CADM2: variants seen among roughly 807,000 people sequenced by gnomAD.
CADM2 encodes immunoglobulin superfamily member 4D.
In CADM2, 12 loss-of-function variants were observed where a neutral mutation model predicts 49.8. The ratio of observed to expected loss-of-function variants is 0.24; its 90% confidence interval spans 0.15 to 0.39. The LOEUF (loss-of-function observed/expected upper bound fraction) is 0.39. Ranked by LOEUF, CADM2 falls within the 10% of genes least tolerant of loss-of-function variation. The pLI is 1.00. For missense variants in CADM2, 378 were observed against 492.3 expected (o/e 0.77, Z 2.20); for synonymous variants, 214 against 175.4 (o/e 1.22, Z -1.74).
chr3:85,192,931 T>G (rs1408389735), intron 1 of CADM2, among the ~76,000 whole-genome samples: 4 of 152,090 alleles, frequency 2.6e-5, no homozygotes, highest in African/African-American at 9.7e-5. Context: ...TTTAAGGAGA[T>G]TCTTCTGGAA....
At chr3:85,676,210 C>T (rs9847652) in intron 1 of CADM2, among the ~76,000 whole-genome samples, 107,867 of 152,100 alleles carry the variant, frequency 0.71, 38,527 homozygotes, top group African/African-American at 0.77. Flanking sequence ...TTATAATAAA[C>T]GGGCTTAAAT....
At chr3:85,096,132 A>T (rs1034274461) in intron 1 of CADM2, among the ~76,000 whole-genome samples, 13 of 152,148 alleles carry the variant, frequency 8.5e-5, no homozygotes, top group Admixed American at 2.0e-4. Context: ...ATTCTACAAT[A>T]CCAGGTAAAT....
intron 1 of CADM2, among the ~76,000 whole-genome samples, chr3:85,659,735 G>A (rs959482737): frequency 1.3e-5 from 2 of 152,090 alleles, no homozygotes; most frequent in South Asian, 2.1e-4. Flanking sequence ...TGTTACCCAG[G>A]ATCTTGTTAA....
intron 2 of CADM2, among the ~76,000 whole-genome samples, chr3:85,745,279 C>T (rs911749184): frequency 1.2e-4 from 18 of 152,106 alleles, no homozygotes; most frequent in Non-Finnish European, 7.4e-5. Context: ...TAAAAAATCT[C>T]CATGCTTTTA....
intron 2 of CADM2, among the ~76,000 whole-genome samples, chr3:85,756,891 G>A (rs778168517): frequency 1.3e-5 from 2 of 152,092 alleles, no homozygotes; most frequent in Non-Finnish European, 2.9e-5. Flanking sequence ...AGACAGAGAC[G>A]TTTTATATAA....
chr3:86,020,994 A>G (rs1179954716), intron 8 of CADM2, among the ~76,000 whole-genome samples: 3 of 151,938 alleles, frequency 2.0e-5, no homozygotes, highest in Non-Finnish European at 4.4e-5. Context: ...CCAGGGCAAA[A>G]ACTTTTTTTC....
chr3:85,453,397 A>T (rs1351040268), intron 1 of CADM2, among the ~76,000 whole-genome samples: 1 of 151,984 alleles, frequency 6.6e-6, no homozygotes, highest in Non-Finnish European at 1.5e-5. Flanking sequence ...AATTAGCATG[A>T]TTATCAGTGG....
chr3:85,046,539 T>A (rs2035663645), intron 1 of CADM2, among the ~76,000 whole-genome samples: 1 of 151,980 alleles, frequency 6.6e-6, no homozygotes, highest in Non-Finnish European at 1.5e-5. Context: ...ATCTACTAAT[T>A]AGTAGAAAAA....
chr3:85,385,079 G>A (rs1324215499), intron 1 of CADM2, among the ~76,000 whole-genome samples: 3 of 151,982 alleles, frequency 2.0e-5, no homozygotes, highest in African/African-American at 7.3e-5. Context: ...GGGACTACAG[G>A]TGCGCTCCAG....
chr3:85,411,641 G>A (rs538800034), intron 1 of CADM2, among the ~76,000 whole-genome samples: 51 of 152,240 alleles, frequency 3.3e-4, no homozygotes, highest in African/African-American at 1.2e-3. Context: ...CTGGTTTTCT[G>A]AAGGGTAGAG....
chr3:85,321,011 G>T (rs978839677), intron 1 of CADM2, among the ~76,000 whole-genome samples: 8 of 138,666 alleles, frequency 5.8e-5, no homozygotes, highest in African/African-American at 2.1e-4. Context: ...AAGATGATAA[G>T]ACATGACTTT....
Position 84,959,464 on chromosome 3 carries a change from CG to C in CADM2, c.-141del. 2.8e-6 allele frequency: 2 copies of C among 704,916 alleles called. No individual in the cohort carries two copies. Among genetic ancestry groups the C allele is most frequent in the Non-Finnish European group, 4.6e-6 (2 of 431,730 alleles). The allele number at this position is 704,916 out of a possible 1,614,324, so 43.7% of individuals were successfully genotyped here. A position where few individuals can be genotyped will look rare whatever the true frequency, so the allele number is the denominator to read the frequency against. Reference sequence around the variant, plus strand: ...TTCTGCTGCCGCCGATCCGAGTCCGCGGGTTCGAACACCGCAGCGGTGGGGA... The same window carrying C: ...TTCTGCTGCCGCCGATCCGAGTCCGCGGTTCGAACACCGCAGCGGTGGGGA... On this transcript the variant is annotated 5_prime_UTR_variant, in exon 1 of 10. Transcript: ENST00000383699.
At chr3:85,954,501 G>T (rs1293124900) in intron 7 of CADM2, among the ~76,000 whole-genome samples, 3 of 150,870 alleles carry the variant, frequency 2.0e-5, no homozygotes, top group African/African-American at 4.8e-5. Context: ...CTTTTAGATT[G>T]CTTTGTATTT....
rs183989791 is a variant in CADM2 at position 85,090,074 on chromosome 3, T to A, written c.61+130406T>A. 2.9e-3 allele frequency among the ~76,000 whole-genome samples: 438 copies of A among 152,194 alleles called. 1 individual carries two copies. Among genetic ancestry groups the A allele is most frequent in the Admixed American group, 4.5e-3 (68 of 15,268 alleles). ...ATATTGAAATTATGTTTAAATGGAA[T>A]CAGAAGAAATTTACATCCAGTACAT... On this transcript the variant is annotated intron_variant, in intron 1 of 9. Transcript: ENST00000383699.
intron 1 of CADM2, among the ~76,000 whole-genome samples, chr3:85,198,948 C>T (rs987121480): frequency 6.6e-6 from 1 of 151,736 alleles, no homozygotes; most frequent in African/African-American, 2.4e-5. Context: ...TTTATTTCTC[C>T]ATATTTGAAT....
In CADM2 at chr3:85,727,571, A is replaced by G. The variant is rs537408742; in HGVS notation, c.88+1023A>G. ...GTCTGGCTGTGAACAAAATAAATAC[A>G]TTCACAGCAATTCAGAAATTATTTG... On this transcript the variant is annotated intron_variant, in intron 2 of 9. Coordinates refer to ENST00000383699, the MANE Select transcript of CADM2 (RefSeq NM_001167675.2). Among the ~76,000 whole-genome samples, 18 of 152,322 alleles carry G rather than the reference A, an allele frequency of 1.2e-4. 1 individual carries two copies. The highest frequency in any genetic ancestry group is 4.3e-4 in the African/African-American group (18 of 41,590).
chr3:85,440,584 C>CT, intron 1 of CADM2, among the ~76,000 whole-genome samples: 1 of 152,200 alleles, frequency 6.6e-6, no homozygotes, highest in African/African-American at 2.4e-5. Context: ...ATGACGGTCT[C>CT]TAAGATTTCT....
chr3:85,922,532 T>C (rs922346461), intron 6 of CADM2, among the ~76,000 whole-genome samples: 1 of 152,104 alleles, frequency 6.6e-6, no homozygotes, highest in African/African-American at 2.4e-5. Context: ...TTTCTCTGGC[T>C]TTAATGGTAT....
At chr3:85,820,889 T>C (rs1423762443) in intron 3 of CADM2, among the ~76,000 whole-genome samples, 2 of 152,152 alleles carry the variant, frequency 1.3e-5, no homozygotes, top group Non-Finnish European at 2.9e-5. Context: ...ACTTGAATCA[T>C]GAATTTAAAT....
Sources: allele counts gnomAD v4.1 joint callset (sites outside exome capture counted in the v4.1 genomes callset), GRCh38; gene constraint gnomAD v4.1.1; transcripts MANE v1.5; gene names NCBI Gene and HGNC (gene_info 2026-07-23, HGNC 2026-07-21).